PEDS1: variants seen among roughly 807,000 people sequenced by gnomAD.
The protein encoded by PEDS1 is plasmanylethanolamine desaturase 1.
In PEDS1, 14 loss-of-function variants were observed where a neutral mutation model predicts 35.2. The observed-to-expected ratio is 0.40, with a 90% CI of 0.26 to 0.62. The LOEUF is 0.62. Ranked by LOEUF, PEDS1 falls within the 20% of genes least tolerant of loss-of-function variation. The pLI, the probability that PEDS1 is intolerant of heterozygous loss-of-function variation, is 0.44. For missense variants in PEDS1, 260 were observed against 367.8 expected (o/e 0.71, Z 2.40); for synonymous variants, 152 against 152.0 (o/e 1.00, Z 0.00).
intron 1 of PEDS1, among the ~76,000 whole-genome samples, chr20:50,148,084 C>T (rs2081364863): frequency 6.6e-6 from 1 of 152,164 alleles, no homozygotes; most frequent in South Asian, 2.1e-4. Flanking sequence ...AGCAAGACTC[C>T]GTCTCCAGGG....
chr20:50,149,089 G>A (rs2081375365), intron 1 of PEDS1, among the ~76,000 whole-genome samples: 1 of 152,112 alleles, frequency 6.6e-6, no homozygotes, highest in Non-Finnish European at 1.5e-5. Flanking sequence ...CTCCAGCCTA[G>A]GTAACAGAGC....
intron 2 of PEDS1, among the ~76,000 whole-genome samples, chr20:50,140,407 G>A (rs1443309811): frequency 6.6e-6 from 1 of 152,214 alleles, no homozygotes; most frequent in Non-Finnish European, 1.5e-5. Flanking sequence ...TCCAGACCAG[G>A]CCCTCATGGC....
At chr20:50,127,381 A>C (rs1250189001) in intron 5 of PEDS1, among the ~76,000 whole-genome samples, 2 of 120,982 alleles carry the variant, frequency 1.7e-5, no homozygotes, top group Admixed American at 1.2e-4. Context: ...AGTCTCTGTC[A>C]CCTAGGCTGG....
rs199724655 is a variant in PEDS1 at position 50,125,137 on chromosome 20, C to T, written c.734G>A (p.Arg245His). 9.7e-5 allele frequency: 157 copies of T among 1,614,158 alleles called. No homozygotes were observed. Among genetic ancestry groups the T allele is most frequent in the Non-Finnish European group, 1.3e-4 (148 of 1,179,994 alleles). ...YPLEKIGFWRRLEDLIQGLTG... is the reference protein window; with the variant it reads ...YPLEKIGFWRHLEDLIQGLTG... Reference sequence around the variant, plus strand: ...CAGGCCCTGGATGAGGTCCTCCAGGCGTCGCCAGAAGCCTATCTTCTCCAG... The same window carrying T: ...CAGGCCCTGGATGAGGTCCTCCAGGTGTCGCCAGAAGCCTATCTTCTCCAG... Residue 245 changes from arginine to histidine, a missense_variant, in exon 6 of 6, where the codon CGC (arginine) becomes CAC (histidine). Transcript: ENST00000371652.
At chr20:50,139,524 T>TC (rs2081270943) in intron 2 of PEDS1, among the ~76,000 whole-genome samples, 1 of 150,098 alleles carries the variant, frequency 6.7e-6, no homozygotes, top group Non-Finnish European at 1.5e-5. Flanking sequence ...TCCCTGGTTC[T>TC]CCCCCCATCT....
intron 2 of PEDS1, among the ~76,000 whole-genome samples, chr20:50,135,380 C>T (rs774939265): frequency 2.5e-4 from 38 of 151,946 alleles, no homozygotes; most frequent in Non-Finnish European, 5.1e-4. Context: ...ATTTCCAGGC[C>T]GGGCACGGTG....
chr20:50,144,969 G>A (rs970547307), intron 1 of PEDS1, among the ~76,000 whole-genome samples: 4 of 152,144 alleles, frequency 2.6e-5, no homozygotes, highest in Non-Finnish European at 4.4e-5. Flanking sequence ...TTGGGAGGCC[G>A]AGGCAGGAGG....
Position 50,124,939 on chromosome 20 carries a change from C to T in PEDS1, c.*119G>A, listed in dbSNP as rs1601203496. On this transcript the variant is annotated 3_prime_UTR_variant, in exon 6 of 6. Coordinates refer to ENST00000371652, the MANE Select transcript of PEDS1 (RefSeq NM_199129.4). ...GAGGGGTGGGCTGGGGTACCTGGGC[C>T]CAGCCCAGGAGATGTCCTCTCCATC... is the stretch of plus-strand genomic sequence containing the variant. The T allele has an allele frequency of 3.5e-6, 5 of 1,422,950 alleles. No homozygotes were observed. The South Asian group carries it at 6.6e-5, about 19-fold the overall frequency. 88.1% of individuals were successfully genotyped at this position (1,422,950 alleles called of 1,614,324 possible).
At chr20:50,138,831 A>G (rs2081262615) in intron 2 of PEDS1, among the ~76,000 whole-genome samples, 1 of 152,184 alleles carries the variant, frequency 6.6e-6, no homozygotes, top group Admixed American at 6.5e-5. Flanking sequence ...CCTTCCCCGC[A>G]GAACACTGGG....
rs971001599 is a variant in PEDS1, at chr20:50,128,382, C to A, written c.479-195G>T. Reference sequence around the variant, plus strand: ...TCAGGCTTTCCTCCTGCTCAGGAAGCAGGCGTAATGGTGTAATAGGATAAT... The same window carrying A: ...TCAGGCTTTCCTCCTGCTCAGGAAGAAGGCGTAATGGTGTAATAGGATAAT... On this transcript the variant is annotated intron_variant, in intron 4 of 5. Coordinates refer to ENST00000371652, the MANE Select transcript of PEDS1 (RefSeq NM_199129.4). The surrounding 1 kb of genome is among the most constrained non-coding windows in gnomAD (Gnocchi z 5.2). Among the ~76,000 whole-genome samples, 3 of 152,182 alleles carry A rather than the reference C, an allele frequency of 2.0e-5. No individual in the cohort carries two copies. The highest frequency in any genetic ancestry group is 6.5e-5 in the Admixed American group (1 of 15,278).
At chr20:50,143,724 G>C in intron 1 of PEDS1, 103 bp from the exon 2 acceptor site, 1 of 1,490,786 alleles carries the variant, frequency 6.7e-7, no homozygotes. Flanking sequence ...CTGAGACAGA[G>C]TCTCACTCTA....
At chr20:50,145,030 C>T (rs894394366) in intron 1 of PEDS1, among the ~76,000 whole-genome samples, 1 of 151,716 alleles carries the variant, frequency 6.6e-6, no homozygotes, top group African/African-American at 2.4e-5. Flanking sequence ...TGGTGAAACC[C>T]CATCTCTACT....
intron 2 of PEDS1, among the ~76,000 whole-genome samples, chr20:50,143,275 G>A (rs917425513): frequency 6.6e-6 from 1 of 152,188 alleles, no homozygotes; most frequent in African/African-American, 2.4e-5. Context: ...GTTTGGATGT[G>A]CAATGCAAGA....
intron 2 of PEDS1, among the ~76,000 whole-genome samples, chr20:50,139,684 T>TC (rs1426104720): frequency 6.6e-6 from 1 of 150,890 alleles, no homozygotes; most frequent in East Asian, 1.9e-4. Flanking sequence ...TCTTTCTTTT[T>TC]TTTTTTTTTT....
At position 50,129,347 on chromosome 20, in the gene PEDS1, G is replaced by C. The variant is rs995632801; in HGVS notation, c.478+199C>G. Among the ~76,000 whole-genome samples the C allele has an allele frequency of 1.3e-5, 2 of 152,216 alleles. No individual in the cohort carries two copies. The highest frequency in any genetic ancestry group is 2.9e-5 in the Non-Finnish European group (2 of 68,028). On this transcript the variant is annotated intron_variant, in intron 4 of 5. Coordinates refer to ENST00000371652, the MANE Select transcript of PEDS1 (RefSeq NM_199129.4). This position sits in a 1 kb window ranked among gnomAD's most constrained non-coding sequence, Gnocchi z 4.2. ...AGGCCAGGTGGGAACATGGACCCAG[G>C]GGGGCCAGAGCAGATTGTGCAAGAG... is the stretch of plus-strand genomic sequence containing the variant.
At chr20:50,130,378 A>G (rs1159977451) in intron 3 of PEDS1, among the ~76,000 whole-genome samples, 2 of 152,322 alleles carry the variant, frequency 1.3e-5, no homozygotes, top group Non-Finnish European at 2.9e-5. Flanking sequence ...AAGTAGAGAT[A>G]GAGATGGAAG....
intron 2 of PEDS1, among the ~76,000 whole-genome samples, chr20:50,141,265 T>C (rs1397446271): frequency 6.6e-6 from 1 of 152,250 alleles, no homozygotes; most frequent in Non-Finnish European, 1.5e-5. Flanking sequence ...GTGACTTACT[T>C]AGCCTCTCAG....
chr20:50,127,340 GTTTTTT>G (rs11471254), intron 5 of PEDS1, among the ~76,000 whole-genome samples: 1 of 87,182 alleles, frequency 1.1e-5, no homozygotes, highest in African/African-American at 5.0e-5. Flanking sequence ...GTGTTTTCTG[GTTTTTT>G]TTTTTTTTTT....
chr20:50,138,493 C>T (rs910284880), intron 2 of PEDS1, among the ~76,000 whole-genome samples: 1 of 152,252 alleles, frequency 6.6e-6, no homozygotes, highest in Non-Finnish European at 1.5e-5. Flanking sequence ...CAAGCATCCC[C>T]CCAACGCAGC....
Sources: gnomAD v4.1 joint callset for allele counts (sites outside exome capture counted in the v4.1 genomes callset) on GRCh38, gnomAD v4.1.1 for gene constraint, Gnocchi (gnomAD v3.1) non-coding constraint, MANE v1.5 for transcripts, NCBI Gene and HGNC (gene_info 2026-07-23, HGNC 2026-07-21) for gene names.